The following TTC29 variants were observed in gnomAD, a reference collection of about 807,000 sequenced individuals.
TTC29 encodes the protein tetratricopeptide repeat protein 29.
TTC29 carries 49 observed loss-of-function variants against 58.1 expected under a neutral mutation model. The observed-to-expected ratio is 0.84, with a 90% CI of 0.67 to 1.07. TTC29 has a LOEUF of 1.07. Among genes scored for constraint, TTC29 ranks in the 50% least tolerant of loss-of-function variants. The probability of loss-of-function intolerance (pLI) is 0.00; values close to 1 mark genes in which losing one functional copy is unlikely to be tolerated. For missense variants in TTC29, 582 were observed against 555.6 expected (o/e 1.05, Z -0.48); for synonymous variants, 209 against 196.8 (o/e 1.06, Z -0.52).
intron 10 of TTC29, among the ~76,000 whole-genome samples, chr4:146,817,439 A>C (rs1046675420): frequency 5.9e-5 from 9 of 152,214 alleles, no homozygotes; most frequent in Non-Finnish European, 1.0e-4. Context: ...AAGAGGATAC[A>C]AACAAATGGA....
chr4:146,903,124 C>G (rs1198418501), intron 6 of TTC29, among the ~76,000 whole-genome samples: 1 of 152,094 alleles, frequency 6.6e-6, no homozygotes, highest in Non-Finnish European at 1.5e-5. Flanking sequence ...ATGAGTATTA[C>G]ATTCAGGAAT....
intron 11 of TTC29, among the ~76,000 whole-genome samples, chr4:146,783,567 A>G (rs1243712604): frequency 1.3e-5 from 2 of 152,136 alleles, no homozygotes; most frequent in Non-Finnish European, 2.9e-5. Flanking sequence ...CCTTAACATA[A>G]GTTCAGTAAC....
chr4:146,807,723 G>A (rs1750713781), intron 10 of TTC29, among the ~76,000 whole-genome samples: 1 of 152,096 alleles, frequency 6.6e-6, no homozygotes, highest in African/African-American at 2.4e-5. Flanking sequence ...CCAATAACAA[G>A]TTCTGAAATT....
At chr4:146,828,221 T>C (rs1046955522) in intron 9 of TTC29, among the ~76,000 whole-genome samples, 5 of 152,168 alleles carry the variant, frequency 3.3e-5, no homozygotes, top group African/African-American at 1.2e-4. Context: ...GAGTAAAATA[T>C]AATGAGAGGT....
chr4:146,896,361 T>C (rs1452103060), intron 6 of TTC29, among the ~76,000 whole-genome samples: 2 of 152,152 alleles, frequency 1.3e-5, no homozygotes, highest in African/African-American at 2.4e-5. Flanking sequence ...CTCTACTTCT[T>C]TTTACCTTCT....
chr4:146,876,364 A>G (rs1052371928), intron 6 of TTC29, among the ~76,000 whole-genome samples: 1 of 152,192 alleles, frequency 6.6e-6, no homozygotes, highest in African/African-American at 2.4e-5. Context: ...TCTTCCCACA[A>G]AAACCAAAAA....
At chr4:146,822,354 G>A (rs1191772918) in intron 9 of TTC29, among the ~76,000 whole-genome samples, 5 of 152,132 alleles carry the variant, frequency 3.3e-5, no homozygotes, top group Admixed American at 3.3e-4. Flanking sequence ...TTCTGTTCCT[G>A]TGTTAACTTG....
intron 11 of TTC29, among the ~76,000 whole-genome samples, chr4:146,761,073 A>T (rs1579614543): frequency 1.3e-5 from 2 of 151,818 alleles, no homozygotes; most frequent in Non-Finnish European, 2.9e-5. Flanking sequence ...GAATGATACA[A>T]TGGACTTTGG....
At chr4:146,854,303 C>G (rs1383049169) in intron 8 of TTC29, among the ~76,000 whole-genome samples, 2 of 152,112 alleles carry the variant, frequency 1.3e-5, no homozygotes, top group Non-Finnish European at 2.9e-5. Context: ...TATTGCTGCC[C>G]ATGCTTTTGT....
chr4:146,831,870 A>G, intron 9 of TTC29: 2 of 286,768 alleles, frequency 7.0e-6, no homozygotes, highest in Non-Finnish European at 1.5e-5. Context: ...GTGAAATTGT[A>G]AGCGCTTAGT....
At chr4:146,884,112 A>G (rs776656442) in intron 6 of TTC29, among the ~76,000 whole-genome samples, 3 of 152,138 alleles carry the variant, frequency 2.0e-5, no homozygotes, top group Non-Finnish European at 4.4e-5. Flanking sequence ...GGTCTTATGA[A>G]CATGTACACA....
chr4:146,725,276 G>C (rs1210860527), intron 11 of TTC29, among the ~76,000 whole-genome samples: 2 of 152,202 alleles, frequency 1.3e-5, no homozygotes, highest in Admixed American at 6.5e-5. Flanking sequence ...GATCACACCT[G>C]TAATCCCAGC....
At chr4:146,836,709 G>T (rs1286606098) in intron 8 of TTC29, among the ~76,000 whole-genome samples, 1 of 152,076 alleles carries the variant, frequency 6.6e-6, no homozygotes, top group Non-Finnish European at 1.5e-5. Flanking sequence ...CACTTGAAAA[G>T]ATGACATGCA....
intron 11 of TTC29, among the ~76,000 whole-genome samples, chr4:146,753,116 C>G (rs1021523926): frequency 6.6e-6 from 1 of 152,130 alleles, no homozygotes; most frequent in Admixed American, 6.5e-5. Flanking sequence ...GAACAGGCAA[C>G]CTACAGAATG....
chr4:146,919,463 T>A (rs900707799), intron 4 of TTC29, among the ~76,000 whole-genome samples: 1 of 151,098 alleles, frequency 6.6e-6, no homozygotes, highest in South Asian at 2.1e-4. Flanking sequence ...AAACAAAAAA[T>A]GAGCTTCATA....
intron 11 of TTC29, among the ~76,000 whole-genome samples, chr4:146,730,695 A>C (rs1396979923): frequency 6.6e-6 from 1 of 152,140 alleles, no homozygotes; most frequent in Non-Finnish European, 1.5e-5. Flanking sequence ...AACTTTGTTC[A>C]TTGTTGCTGA....
At chr4:146,813,624 G>A (rs1751175858) in intron 10 of TTC29, among the ~76,000 whole-genome samples, 1 of 152,136 alleles carries the variant, frequency 6.6e-6, no homozygotes, top group Non-Finnish European at 1.5e-5. Context: ...TATGAAGCCA[G>A]AAAATATTGG....
chr4:146,787,245 G>GTAGTT, intron 11 of TTC29, among the ~76,000 whole-genome samples: 1 of 152,298 alleles, frequency 6.6e-6, no homozygotes, highest in East Asian at 1.9e-4. Context: ...TACATTTCCA[G>GTAGTT]TAGTTTATTT....
At position 146,804,048 on chromosome 4, in the gene TTC29, G is replaced by A. The variant is rs926590975; in HGVS notation, c.1102-363C>T. On this transcript the variant is annotated intron_variant, in intron 10 of 12. Transcript: ENST00000325106. Reference sequence around the variant, plus strand: ...TTCTGCATTTCCAACTGAGGTAACCGGCTCATCTCTTTGGGAAGTGTTAGA... The same window carrying A: ...TTCTGCATTTCCAACTGAGGTAACCAGCTCATCTCTTTGGGAAGTGTTAGA... 1.4e-4 allele frequency among the ~76,000 whole-genome samples: 22 copies of A among 152,172 alleles called. 1 individual carries two copies. The highest frequency in any genetic ancestry group is 9.8e-4 in the Admixed American group (15 of 15,280).
Sources: allele counts gnomAD v4.1 joint callset (sites outside exome capture counted in the v4.1 genomes callset), GRCh38; gene constraint gnomAD v4.1.1; transcripts MANE v1.5; gene names NCBI Gene and HGNC (gene_info 2026-07-23, HGNC 2026-07-21).